The following NYAP2 variants were observed in gnomAD, a reference collection of about 807,000 sequenced individuals.
NYAP2 encodes neuronal tyrosine-phosphorylated phosphoinositide-3-kinase adapter 2.
A neutral mutation model predicts 50.4 loss-of-function variants in NYAP2; 23 were observed. That is an observed-to-expected ratio of 0.46 (90% CI 0.33 to 0.65). The LOEUF is 0.65. Among genes scored for constraint, NYAP2 ranks in the 30% least tolerant of loss-of-function variants. The pLI is 0.02. For synonymous variants in NYAP2, 394 were observed against 365.2 expected (o/e 1.08, Z -0.90); for missense variants, 885 against 861.0 (o/e 1.03, Z -0.35).
In NYAP2 at chr2:225,648,736, T is replaced by C. The variant is rs116540866; in HGVS notation, c.1829-2696T>C. On this transcript the variant is annotated intron_variant, in intron 6 of 6. Coordinates refer to ENST00000636099, the Ensembl canonical transcript of NYAP2. ...AAGATATTGAGAAGAAGCTGGAACT[T>C]GGTTTGCATCCTGAAGCAATGTAGA... Among the ~76,000 whole-genome samples the C allele has an allele frequency of 2.2e-3, 333 of 152,260 alleles. 1 individual carries two copies. The highest frequency in any genetic ancestry group is 7.4e-3 in the African/African-American group (309 of 41,540).
chr2:225,579,094 G>GGAGAGAGAGA (rs34026452), intron 4 of NYAP2, among the ~76,000 whole-genome samples: 6 of 147,424 alleles, frequency 4.1e-5, no homozygotes, highest in South Asian at 4.4e-4. Flanking sequence ...AGAAGAGAGG[G>GGAGAGAGAGA]GAGAGAGAGA....
intron 3 of NYAP2, among the ~76,000 whole-genome samples, chr2:225,496,431 CT>C (rs1175275248): frequency 6.6e-6 from 1 of 152,104 alleles, no homozygotes; most frequent in Non-Finnish European, 1.5e-5. Context: ...TTTTATCCTC[CT>C]TTTTTTAAAC....
intron 4 of NYAP2, among the ~76,000 whole-genome samples, chr2:225,562,179 A>G (rs1343465909): frequency 6.6e-6 from 1 of 152,130 alleles, no homozygotes; most frequent in African/African-American, 2.4e-5. Flanking sequence ...TCCCCTTTAA[A>G]TGGTAAATTC....
chr2:225,677,701 T>C, the NYAP2 span, among the ~76,000 whole-genome samples: 9 of 151,522 alleles, frequency 5.9e-5, no homozygotes, highest in African/African-American at 1.9e-4. Context: ...ATTCTGTTTG[T>C]GTGGTGAATC....
intron 3 of NYAP2, among the ~76,000 whole-genome samples, chr2:225,484,353 C>T (rs374448851): frequency 2.0e-5 from 3 of 152,146 alleles, no homozygotes; most frequent in Admixed American, 6.5e-5. Flanking sequence ...CACTGGGGCT[C>T]GGCCACTTAT....
intron 3 of NYAP2, among the ~76,000 whole-genome samples, chr2:225,483,862 A>G (rs371195506): frequency 6.6e-6 from 1 of 152,238 alleles, no homozygotes; most frequent in East Asian, 1.9e-4. Context: ...TTCAAATACT[A>G]TCTGGAGTCA....
the NYAP2 span, among the ~76,000 whole-genome samples, chr2:225,661,781 T>C: frequency 2.6e-5 from 4 of 151,580 alleles, no homozygotes; most frequent in Non-Finnish European, 4.4e-5. Flanking sequence ...CGGAGTGCAG[T>C]GGCATGATCT....
chr2:225,446,248 A>C (rs6729642), intron 3 of NYAP2, among the ~76,000 whole-genome samples: 20,912 of 55,106 alleles, frequency 0.38, 4,602 homozygotes, highest in Non-Finnish European at 0.57. Flanking sequence ...CTCTCTCTCT[A>C]TATATATATA....
chr2:225,644,796 T>A (rs1268006836), intron 6 of NYAP2, among the ~76,000 whole-genome samples: 1 of 151,014 alleles, frequency 6.6e-6, no homozygotes, highest in African/African-American at 2.4e-5. Context: ...GTTCCATTGA[T>A]CTATATCTCT....
chr2:225,408,560 T>C lies in NYAP2; in HGVS notation c.-17-304T>C, dbSNP rs182955667. Among the ~76,000 whole-genome samples the C allele has an allele frequency of 1.8e-3, 267 of 152,170 alleles. 1 individual carries two copies. Among genetic ancestry groups the C allele is most frequent in the African/African-American group, 6.1e-3 (254 of 41,550 alleles). ...AACACATTTTAAGAAACAAAATTATTATTGTAATTATGCAACCAAATGTTT... is the reference window on the plus strand; with the variant it reads ...AACACATTTTAAGAAACAAAATTATCATTGTAATTATGCAACCAAATGTTT... On this transcript the variant is annotated intron_variant, in intron 2 of 6. Transcript: ENST00000636099.
intron 5 of NYAP2, among the ~76,000 whole-genome samples, chr2:225,623,457 G>A (rs1693158394): frequency 6.6e-6 from 1 of 151,970 alleles, no homozygotes; most frequent in South Asian, 2.1e-4. Flanking sequence ...TCAATAAGGT[G>A]AAGGCTGGCC....
intron 4 of NYAP2, among the ~76,000 whole-genome samples, chr2:225,542,642 C>CT (rs371733574): frequency 0.016 from 2,425 of 152,148 alleles, 62 homozygotes; most frequent in African/African-American, 0.054. Flanking sequence ...GATGAATGAT[C>CT]TTTTTAATGT....
At chr2:225,679,621 A>G in the NYAP2 span, among the ~76,000 whole-genome samples, 10 of 146,004 alleles carry the variant, frequency 6.8e-5, no homozygotes, top group African/African-American at 2.5e-4. Flanking sequence ...CAGCCTCTGT[A>G]GTTGCTGAGA....
chr2:225,685,175 G>A, the NYAP2 span, among the ~76,000 whole-genome samples: 3 of 152,098 alleles, frequency 2.0e-5, no homozygotes, highest in Admixed American at 1.3e-4. Context: ...TTGAGTATTA[G>A]TATGTTTTCC....
chr2:225,703,221 A>G, the NYAP2 span: 8 of 151,768 alleles, frequency 5.3e-5, no homozygotes, highest in Non-Finnish European at 7.4e-5. Context: ...TTTTTAGTGG[A>G]TAACGGCACT....
At chr2:225,500,486 C>A (rs1261885294) in intron 3 of NYAP2, among the ~76,000 whole-genome samples, 3 of 152,148 alleles carry the variant, frequency 2.0e-5, no homozygotes, top group Non-Finnish European at 4.4e-5. Flanking sequence ...TTTTAAACTG[C>A]AAAATATTTG....
chr2:225,652,421 A>T (rs1273394877), exon 7 of NYAP2: 5 of 152,222 alleles, frequency 3.3e-5, no homozygotes, highest in African/African-American at 9.6e-5. Context: ...AATATCATTT[A>T]ATCCTTTACA....
the NYAP2 span, among the ~76,000 whole-genome samples, chr2:225,672,517 A>C: frequency 1.3e-5 from 2 of 152,158 alleles, no homozygotes; most frequent in African/African-American, 4.8e-5. Context: ...AGGCTGTTTC[A>C]CTTTTTAATC....
chr2:225,668,307 A>G, the NYAP2 span, among the ~76,000 whole-genome samples: 633 of 152,234 alleles, frequency 4.2e-3, 6 homozygotes, highest in Middle Eastern at 0.014. Context: ...ACCTTCTCCA[A>G]GAGTCACACA....
Sources: allele counts gnomAD v4.1 joint callset (sites outside exome capture counted in the v4.1 genomes callset), GRCh38; gene constraint gnomAD v4.1.1; transcripts MANE v1.5; gene names NCBI Gene and HGNC (gene_info 2026-07-23, HGNC 2026-07-21).